The following GIGYF2 variants were observed in gnomAD, a reference collection of about 807,000 sequenced individuals.
GIGYF2 encodes GRB10-interacting GYF protein 2.
In GIGYF2, 25 loss-of-function variants were observed where a neutral mutation model predicts 208.1. That is an observed-to-expected ratio of 0.12 (90% CI 0.09 to 0.17). GIGYF2 has a LOEUF of 0.17. Among genes scored for constraint, GIGYF2 ranks in the 10% least tolerant of loss-of-function variants. The pLI, the probability that GIGYF2 is intolerant of heterozygous loss-of-function variation, is 1.00. For synonymous variants in GIGYF2, 534 were observed against 543.8 expected (o/e 0.98, Z 0.25); for missense variants, 1,302 against 1,579.4 (o/e 0.82, Z 2.98).
intron 27 of GIGYF2, among the ~76,000 whole-genome samples, chr2:232,849,055 G>A (rs1242788521): frequency 2.0e-5 from 3 of 152,190 alleles, no homozygotes; most frequent in Non-Finnish European, 4.4e-5. Flanking sequence ...CTTACGATGA[G>A]GATGTGGAAG....
chr2:232,820,893 C>T (rs1410056483), intron 21 of GIGYF2, among the ~76,000 whole-genome samples: 2 of 151,612 alleles, frequency 1.3e-5, no homozygotes, highest in Non-Finnish European at 2.9e-5. Context: ...TGCAGTGGCG[C>T]GATTTTGGCT....
chr2:232,747,878 C>G, intron 4 of GIGYF2, 134 bp downstream of exon 4: 2 of 813,866 alleles, frequency 2.5e-6, no homozygotes, highest in South Asian at 3.0e-5. Context: ...TGTTTCCCTG[C>G]TTTGAAGCCT....
intron 8 of GIGYF2, chr2:232,768,626 T>A (rs757867220): frequency 6.2e-6 from 10 of 1,613,946 alleles, no homozygotes; most frequent in Non-Finnish European, 8.5e-6. Context: ...TCTGGTAGAG[T>A]TTGCCATTTT....
intron 3 of GIGYF2, among the ~76,000 whole-genome samples, chr2:232,744,887 C>G (rs929992409): frequency 6.6e-6 from 1 of 152,010 alleles, no homozygotes; most frequent in Non-Finnish European, 1.5e-5. Context: ...TTCTGCTGCC[C>G]GTGACTGTGG....
intron 3 of GIGYF2, chr2:232,736,696 G>T (rs1234694979): frequency 6.6e-6 from 1 of 151,966 alleles, no homozygotes; most frequent in African/African-American, 2.4e-5. Context: ...CTTTTATCAG[G>T]TGGATTTAAA....
intron 8 of GIGYF2, chr2:232,768,007 G>A (rs1574855678): frequency 3.3e-6 from 2 of 611,772 alleles, no homozygotes; most frequent in South Asian, 2.0e-5. Context: ...ACTTTGTAAT[G>A]TAGAGTGTTA....
At chr2:232,770,110 G>C (rs1006625027) in intron 8 of GIGYF2, among the ~76,000 whole-genome samples, 1 of 152,154 alleles carries the variant, frequency 6.6e-6, no homozygotes, top group Admixed American at 6.5e-5. Context: ...AGGAACTCTT[G>C]TTGTAGAAGT....
chr2:232,807,315 G>A (rs563177649), intron 15 of GIGYF2, among the ~76,000 whole-genome samples: 7 of 152,250 alleles, frequency 4.6e-5, no homozygotes, highest in African/African-American at 1.7e-4. Flanking sequence ...GATTGCTTGA[G>A]CCCAGGAGTT....
At chr2:232,767,330 T>C (rs570809776) in intron 8 of GIGYF2, 1 of 152,340 alleles carries the variant, frequency 6.6e-6, no homozygotes, top group Admixed American at 6.5e-5. Context: ...TTTGTATTTA[T>C]GAATTAGAGC....
intron 8 of GIGYF2, chr2:232,771,569 C>A: frequency 1.9e-6 from 1 of 512,902 alleles, no homozygotes; most frequent in Non-Finnish European, 3.4e-6. Flanking sequence ...TGTGTGTTAC[C>A]TTAAAATATC....
chr2:232,836,561 G>T (rs1701645420), intron 22 of GIGYF2, among the ~76,000 whole-genome samples: 1 of 110,000 alleles, frequency 9.1e-6, no homozygotes, highest in African/African-American at 4.1e-5. Flanking sequence ...GTGAGACCCT[G>T]TCTCAAAAAA....
chr2:232,784,935 T>C (rs953838897), intron 8 of GIGYF2, among the ~76,000 whole-genome samples: 4 of 152,018 alleles, frequency 2.6e-5, no homozygotes, highest in Non-Finnish European at 5.9e-5. Flanking sequence ...CTGTCATCTT[T>C]CTTGCTCCCT....
At chr2:232,827,761 A>G (rs910035671) in intron 21 of GIGYF2, among the ~76,000 whole-genome samples, 9 of 152,220 alleles carry the variant, frequency 5.9e-5, no homozygotes, top group African/African-American at 9.6e-5. Flanking sequence ...TCTTAAGACA[A>G]AAATTTAGAT....
chr2:232,816,888 A>G lies in GIGYF2; in HGVS notation c.2226A>G (p.Arg742=). The change falls in exon 20 of 29, where the codon AGA becomes AGG. Residue 742 remains arginine, a synonymous_variant. Coordinates refer to ENST00000373563, the MANE Select transcript of GIGYF2 (RefSeq NM_001103146.3). ...AKAAKLEQER[R]EAEMRAKREE... ...AATCACAGCTAGAGCAAGAGAGAAG[A>G]GAGGCAGAAATGAGGGCAAAACGGG... The G allele has an allele frequency of 6.2e-7, 1 of 1,613,176 alleles. No individual in the cohort carries two copies. Among genetic ancestry groups the G allele is most frequent in the Non-Finnish European group, 8.5e-7 (1 of 1,179,138 alleles).
At chr2:232,720,585 T>TATTTTTG (rs772814342) in intron 2 of GIGYF2, among the ~76,000 whole-genome samples, 1 of 126,310 alleles carries the variant, frequency 7.9e-6, no homozygotes, top group African/African-American at 2.9e-5. Flanking sequence ...ATATATATAT[T>TATTTTTG]TTTGTTTGTT....
At chr2:232,798,818 G>T (rs1233573476) in intron 14 of GIGYF2, among the ~76,000 whole-genome samples, 1 of 149,174 alleles carries the variant, frequency 6.7e-6, no homozygotes, top group African/African-American at 2.5e-5. Flanking sequence ...TTTAAATATT[G>T]TTAAAATACA....
intron 8 of GIGYF2, among the ~76,000 whole-genome samples, chr2:232,764,976 C>T (rs1698896367): frequency 6.6e-6 from 1 of 152,112 alleles, no homozygotes; most frequent in Non-Finnish European, 1.5e-5. Context: ...TTCCATAAAA[C>T]TAAACTAACA....
At chr2:232,792,035 A>AT (rs1700083929) in intron 12 of GIGYF2, among the ~76,000 whole-genome samples, 1 of 152,200 alleles carries the variant, frequency 6.6e-6, no homozygotes, top group Admixed American at 6.5e-5. Context: ...GGGTTACTTG[A>AT]TTCATTTACC....
chr2:232,741,707 G>A (rs1559397074), intron 3 of GIGYF2, among the ~76,000 whole-genome samples: 1 of 152,082 alleles, frequency 6.6e-6, no homozygotes, highest in Non-Finnish European at 1.5e-5. Context: ...GCCTCCTACA[G>A]TGTTGGGATT....
Sources: allele counts gnomAD v4.1 joint callset (sites outside exome capture counted in the v4.1 genomes callset), GRCh38; gene constraint gnomAD v4.1.1; transcripts MANE v1.5; gene names NCBI Gene and HGNC (gene_info 2026-07-23, HGNC 2026-07-21).